BMS1: variants seen among roughly 807,000 people sequenced by gnomAD.
BMS1 encodes BMS1 ribosome biogenesis factor.
BMS1 carries 53 observed loss-of-function variants against 138.7 expected under a neutral mutation model. That is an observed-to-expected ratio of 0.38 (90% confidence interval 0.31 to 0.48). The LOEUF (loss-of-function observed/expected upper bound fraction) is 0.48, where lower values mean the gene tolerates loss of function less well. Among genes scored for constraint, BMS1 ranks in the 20% least tolerant of loss-of-function variants. BMS1 has a pLI of 0.97. For missense variants in BMS1, 1,360 were observed against 1,565.5 expected, an observed-to-expected ratio of 0.87 and a Z score of 2.22; for synonymous variants, 504 against 539.9, an observed-to-expected ratio of 0.93 and a Z score of 0.92.
Position 42,820,370 on chromosome 10 carries a change from C to G in BMS1, c.2715C>G (p.Tyr905Ter). Reference sequence around the variant, plus strand: ...TTGTGCAGAACTTTGACCCCCATTACCCCATTATCCTGGGTGGCTTGGGCA... The same window carrying G: ...TTGTGCAGAACTTTGACCCCCATTAGCCCATTATCCTGGGTGGCTTGGGCA... ...CEFVQNFDPH[Y>*]PIILGGLGNS... is the part of the protein sequence containing the mutation. The change falls in exon 16 of 23, where the codon TAC (tyrosine) becomes TAG (stop). Residue 905 changes from tyrosine to a stop codon, truncating the protein, a stop_gained. Coordinates refer to ENST00000374518, the MANE Select transcript of BMS1 (RefSeq NM_014753.4). LOFTEE classifies it high-confidence loss of function. 1 of 1,613,790 alleles carries G rather than the reference C, an allele frequency of 6.2e-7. No individual in the cohort carries two copies. Among genetic ancestry groups the G allele is most frequent in the Non-Finnish European group, 8.5e-7 (1 of 1,179,866 alleles).
rs1304273020 is a variant in BMS1, at chr10:42,797,246, A to G, written c.1987+15A>G. 1 of 1,595,328 alleles carries G rather than the reference A, an allele frequency of 6.3e-7. No homozygotes were observed. The highest frequency in any genetic ancestry group is 2.2e-5 in the East Asian group (1 of 44,628). Reference sequence around the variant, plus strand: ...AGAAACGTCAGGTAAGCTTAAATGTAGTTGGTTGCTGCTATGAACTTGGCT... The same window carrying G: ...AGAAACGTCAGGTAAGCTTAAATGTGGTTGGTTGCTGCTATGAACTTGGCT... On this transcript the variant is annotated intron_variant, in intron 10 of 22. Coordinates refer to ENST00000374518, the MANE Select transcript of BMS1 (RefSeq NM_014753.4).
rs111882453 is a variant in BMS1 at position 42,830,928 on chromosome 10, G to A, written c.3681G>A (p.Glu1227=). 30 of 1,612,218 alleles carry A rather than the reference G, an allele frequency of 1.9e-5. No individual in the cohort carries two copies. The African/African-American group carries it at 2.3e-4, about 12-fold the overall frequency. Residue 1227 remains glutamate, a synonymous_variant, in exon 23 of 23, where the codon GAG becomes GAA. Transcript: ENST00000374518. ...GTCAGAAGATGAAGAAGGCCAAGGA[G>A]CAGCGGCACCTGCACAATAAAGAGC... ...VHSQKMKKAK[E]QRHLHNKEHF...
At position 42,832,486 on chromosome 10, in the gene BMS1, G is replaced by C. The variant is rs989552744; in HGVS notation, c.*1390G>C. The C allele has an allele frequency of 6.6e-6, 1 of 152,116 alleles. No homozygotes were observed. The highest frequency in any genetic ancestry group is 1.5e-5 in the Non-Finnish European group (1 of 68,024). 9.4% of individuals were successfully genotyped at this position (152,116 alleles called of 1,614,324 possible). On this transcript the variant is annotated 3_prime_UTR_variant, in exon 23 of 23. Coordinates refer to ENST00000374518, the MANE Select transcript of BMS1 (RefSeq NM_014753.4). The stretch of plus-strand genomic sequence containing the variant: ...CTTCATGAATTTGTGTGTCATCTGT[G>C]CATGGGGCCCATGCTGACCTCTGTG...
At chr10:42,784,213 G>A (rs1841249525) in intron 1 of BMS1, 149 bp from the exon 2 acceptor site, 1 of 498,860 alleles carries the variant, frequency 2.0e-6, no homozygotes, top group Non-Finnish European at 3.4e-6. Context: ...ATGAAATTGG[G>A]GATGGTTAAG....
intron 13 of BMS1, among the ~76,000 whole-genome samples, chr10:42,803,018 G>C (rs1204786496): frequency 1.3e-5 from 2 of 151,996 alleles, no homozygotes; most frequent in African/African-American, 4.8e-5. Context: ...TTTTTGGAAG[G>C]TCATTCTTTT....
chr10:42,788,306 C>T (rs787798), intron 4 of BMS1, among the ~76,000 whole-genome samples: 133,944 of 152,192 alleles, frequency 0.88, 59,171 homozygotes, highest in African/African-American at 0.95. Context: ...ATGTAGCAAG[C>T]TTCTAATTTT....
rs1194585985 is a variant in BMS1 at position 42,797,038 on chromosome 10, C to T, written c.1794C>T (p.Ser598=). The T allele has an allele frequency of 6.2e-7, 1 of 1,614,032 alleles. No individual in the cohort carries two copies. Among genetic ancestry groups the T allele is most frequent in the African/African-American group, 1.3e-5 (1 of 74,898 alleles). ...FASEDESEES[S]SLSAEEEDSE... is the part of the protein sequence containing the mutation. ...CTGAAGATGAATCTGAAGAAAGCTC[C>T]TCACTCAGTGCAGAGGAAGAAGACT... The change falls in exon 10 of 23, where the codon TCC becomes TCT. Residue 598 remains serine, a synonymous_variant. Transcript: ENST00000374518.
At chr10:42,818,377 A>C (rs1164769377) in intron 15 of BMS1, among the ~76,000 whole-genome samples, 1 of 152,216 alleles carries the variant, frequency 6.6e-6, no homozygotes, top group Non-Finnish European at 1.5e-5. Flanking sequence ...CTGAAATGGG[A>C]GTCCTTGGAG....
At chr10:42,783,794 T>TTG (rs1406361455) in intron 1 of BMS1, among the ~76,000 whole-genome samples, 1 of 152,160 alleles carries the variant, frequency 6.6e-6, no homozygotes, top group African/African-American at 2.4e-5. Context: ...ATTTAGGAGT[T>TTG]TTACAGAGTC....
intron 4 of BMS1, among the ~76,000 whole-genome samples, chr10:42,789,544 T>C (rs1433385820): frequency 1.3e-5 from 2 of 152,214 alleles, no homozygotes; most frequent in African/African-American, 4.8e-5. Flanking sequence ...AAAATTGGTC[T>C]CATCTGCTTA....
At chr10:42,808,205 A>G (rs955535539) in intron 13 of BMS1, among the ~76,000 whole-genome samples, 7 of 151,942 alleles carry the variant, frequency 4.6e-5, no homozygotes, top group Non-Finnish European at 8.8e-5. Context: ...ATTTGCAGAT[A>G]CTTTCTCCTA....
At chr10:42,814,329 G>A (rs1431504379) in intron 13 of BMS1, among the ~76,000 whole-genome samples, 1 of 152,054 alleles carries the variant, frequency 6.6e-6, no homozygotes, top group Non-Finnish European at 1.5e-5. Context: ...TGTTGATACA[G>A]GTTTCAGCTT....
chr10:42,828,225 A>G (rs1436733955), intron 21 of BMS1, among the ~76,000 whole-genome samples: 1 of 152,184 alleles, frequency 6.6e-6, no homozygotes, highest in East Asian at 1.9e-4. Context: ...AGCACATTCT[A>G]TTTAGCCTGG....
In BMS1 at chr10:42,798,450, C is replaced by T. The variant is rs1589139222; in HGVS notation, c.2090-18C>T. On this transcript the variant is annotated intron_variant, in intron 11 of 22. Transcript: ENST00000374518. ...TGTAATTTTTGTTCTCACTTTTCTG[C>T]CATGGTGTGCTCTTTAGTGACAGAA... 1.2e-6 allele frequency: 2 copies of T among 1,613,956 alleles called. No individual in the cohort carries two copies. Among genetic ancestry groups the T allele is most frequent in the Non-Finnish European group, 1.7e-6 (2 of 1,179,898 alleles).
At chr10:42,808,072 A>G (rs1842061332) in intron 13 of BMS1, among the ~76,000 whole-genome samples, 1 of 152,054 alleles carries the variant, frequency 6.6e-6, no homozygotes, top group South Asian at 2.1e-4. Flanking sequence ...GTTTATTTGC[A>G]TTTTTATATC....
Position 42,820,523 on chromosome 10 carries a change from C to T in BMS1, c.2785C>T (p.His929Tyr). The T allele has an allele frequency of 1.2e-6, 2 of 1,610,264 alleles. No homozygotes were observed. The highest frequency in any genetic ancestry group is 1.7e-6 in the Non-Finnish European group (2 of 1,179,224). Residue 929 changes from histidine to tyrosine, a missense_variant, in exon 17 of 23, where the codon CAT becomes TAT. This residue lies in a region of BMS1 where 425 missense variants were observed against 568.3 expected (regional missense o/e 0.75). Coordinates refer to ENST00000374518, the MANE Select transcript of BMS1 (RefSeq NM_014753.4). ...GTCCCCTCAGATGCGTCTGAAGAAACATCGCTGGTATAAGAAAATCCTCAA... is the reference window on the plus strand; with the variant it reads ...GTCCCCTCAGATGCGTCTGAAGAAATATCGCTGGTATAAGAAAATCCTCAA... Reference protein sequence around the residue: ...VGYVQMRLKKHRWYKKILKSR... With the variant: ...VGYVQMRLKKYRWYKKILKSR...
intron 13 of BMS1, among the ~76,000 whole-genome samples, chr10:42,802,837 A>G (rs1365999003): frequency 6.6e-6 from 1 of 151,654 alleles, no homozygotes; most frequent in Non-Finnish European, 1.5e-5. Flanking sequence ...ACCATTATTG[A>G]AGTCACAATT....
Position 42,817,330 on chromosome 10 carries a change from G to A in BMS1, c.2416G>A (p.Glu806Lys). 1 of 1,599,644 alleles carries A rather than the reference G, an allele frequency of 6.3e-7. No homozygotes were observed. The highest frequency in any genetic ancestry group is 2.2e-5 in the East Asian group (1 of 44,480). The change falls in exon 15 of 23, where the codon GAG becomes AAG. Residue 806 changes from glutamate (E) to lysine (K), a missense_variant. Around this residue, in one of 3 missense-constraint regions of BMS1, gnomAD observed 697 missense variants for 686.2 expected, o/e 1.02. Coordinates refer to ENST00000374518, the MANE Select transcript of BMS1 (RefSeq NM_014753.4). ...SGPNTQNEDI[E>K]KEVKEEIDPD... is the part of the protein sequence containing the mutation. ...CTGGAAATTTAAGAATGAAGATATA[G>A]AGAAAGAAGTTAAGGAAGAAATTGA...
intron 9 of BMS1, 101 bp from the exon 10 acceptor site, chr10:42,796,373 A>T: frequency 7.7e-7 from 1 of 1,292,294 alleles, no homozygotes; most frequent in Non-Finnish European, 1.1e-6. Flanking sequence ...CAATTCCTTG[A>T]CATTTTCTAT....
Sources: allele counts gnomAD v4.1 joint callset (sites outside exome capture counted in the v4.1 genomes callset), GRCh38; gene constraint gnomAD v4.1.1; regional missense constraint gnomAD v4.1.1; transcripts MANE v1.5; gene names NCBI Gene and HGNC (gene_info 2026-07-23, HGNC 2026-07-21).